The following ZNF365 variants were observed in gnomAD, a reference collection of about 807,000 sequenced individuals.
ZNF365 encodes the protein zinc finger protein 365.
ZNF365 carries 22 observed loss-of-function variants against 35.0 expected under a neutral mutation model. The ratio of observed to expected loss-of-function variants is 0.63; its 90% CI spans 0.45 to 0.90. ZNF365 has a LOEUF of 0.90. ZNF365 is among the 40% of genes least tolerant of loss of function. The probability of loss-of-function intolerance (pLI) is 0.00; values close to 1 mark genes in which losing one functional copy is unlikely to be tolerated. For synonymous variants in ZNF365, 188 were observed against 196.2 expected (o/e 0.96, Z 0.35); for missense variants, 448 against 500.3 (o/e 0.90, Z 1.00).
chr10:62,399,421 G>A (rs1839785933), intron 4 of ZNF365, 107 bp from the exon 5 acceptor site: 2 of 1,484,206 alleles, frequency 1.3e-6, no homozygotes, highest in Admixed American at 2.2e-5. Context: ...TATCACCACT[G>A]TAGCATGTAG....
At chr10:62,426,217 C>T (rs1840248708) in intron 3 of ZNF365, among the ~76,000 whole-genome samples, 1 of 152,090 alleles carries the variant, frequency 6.6e-6, no homozygotes, top group Non-Finnish European at 1.5e-5. Context: ...ATCTGGATGA[C>T]TGAAATAACT....
At position 62,400,025 on chromosome 10, in the gene ZNF365, T is replaced by C; in HGVS notation, c.*236T>C. On this transcript the variant is annotated 3_prime_UTR_variant, in exon 5 of 5. Coordinates refer to ENST00000395254, the MANE Select transcript of ZNF365 (RefSeq NM_014951.3). ...CAAATTACAGAAAGAATAAAAAAAT[T>C]AAATCAATCTTAAAGCTCTAACTTC... is the stretch of plus-strand genomic sequence containing the variant. 7.7e-7 allele frequency: 1 copy of C among 1,298,798 alleles called. No homozygotes were observed. Among genetic ancestry groups the C allele is most frequent in the Non-Finnish European group, 9.8e-7 (1 of 1,024,870 alleles). The allele number at this position is 1,298,798 out of a possible 1,614,324, so 80.5% of individuals were successfully genotyped here. A position where few individuals can be genotyped will look rare whatever the true frequency, so the allele number is the denominator to read the frequency against.
intron 3 of ZNF365, among the ~76,000 whole-genome samples, chr10:62,426,674 C>T (rs145454780): frequency 6.6e-6 from 1 of 152,190 alleles, no homozygotes; most frequent in East Asian, 1.9e-4. Flanking sequence ...GCGGGAAAGG[C>T]AAGGCTGGGC....
intron 3 of ZNF365, among the ~76,000 whole-genome samples, chr10:62,428,995 C>T (rs1010112471): frequency 4.6e-5 from 7 of 152,162 alleles, no homozygotes; most frequent in African/African-American, 1.7e-4. Flanking sequence ...GAATGAGAGG[C>T]ACGCAGTAGG....
chr10:62,479,800 C>CT (rs1014377048), intron 4 of ZNF365: 6 of 1,058,800 alleles, frequency 5.7e-6, no homozygotes, highest in Admixed American at 3.5e-5. Flanking sequence ...GAAACCACTT[C>CT]TTTTTTTGAC....
chr10:62,389,117 G>T (rs1210270362), intron 3 of ZNF365, among the ~76,000 whole-genome samples: 1 of 152,132 alleles, frequency 6.6e-6, no homozygotes, highest in Non-Finnish European at 1.5e-5. Context: ...CCTGCATACA[G>T]TTTTGCATAT....
intron 3 of ZNF365, among the ~76,000 whole-genome samples, chr10:62,425,246 G>C (rs1226415363): frequency 6.6e-6 from 1 of 152,018 alleles, no homozygotes; most frequent in Admixed American, 6.6e-5. Flanking sequence ...ACAGAGTCTA[G>C]AAGCCATTAA....
At chr10:62,380,306 C>T (rs1839415793) in intron 2 of ZNF365, among the ~76,000 whole-genome samples, 1 of 152,230 alleles carries the variant, frequency 6.6e-6, no homozygotes. Context: ...TGTTTCTCCT[C>T]CTCCTTTACA....
chr10:62,448,747 T>A (rs1840630785), intron 3 of ZNF365, among the ~76,000 whole-genome samples: 3 of 152,138 alleles, frequency 2.0e-5, no homozygotes, highest in Admixed American at 6.5e-5. Flanking sequence ...CTCACCTAGG[T>A]CCTAGCTATG....
chr10:62,410,817 G>A (rs1243496543), intron 3 of ZNF365, among the ~76,000 whole-genome samples: 1 of 151,930 alleles, frequency 6.6e-6, no homozygotes, highest in Admixed American at 6.6e-5. Context: ...ATGTCAAATG[G>A]TATTTCTGCT....
At chr10:62,415,914 C>G (rs1840066343) in intron 3 of ZNF365, among the ~76,000 whole-genome samples, 1 of 152,106 alleles carries the variant, frequency 6.6e-6, no homozygotes, top group Non-Finnish European at 1.5e-5. Flanking sequence ...AGAAAATTAG[C>G]CATTCTTGTC....
chr10:62,410,132 T>C (rs537651586), intron 3 of ZNF365, among the ~76,000 whole-genome samples: 2 of 152,292 alleles, frequency 1.3e-5, no homozygotes, highest in South Asian at 4.1e-4. Flanking sequence ...TTATTGTCTT[T>C]CCCTTCCTTT....
intron 3 of ZNF365, among the ~76,000 whole-genome samples, chr10:62,415,071 A>G (rs1423828037): frequency 8.7e-6 from 1 of 114,426 alleles, no homozygotes; most frequent in Non-Finnish European, 1.9e-5. Context: ...CTCATTTTAA[A>G]AAGTATTTTC....
chr10:62,382,915 A>G (rs1839464538), intron 2 of ZNF365, among the ~76,000 whole-genome samples: 1 of 152,170 alleles, frequency 6.6e-6, no homozygotes, highest in African/African-American at 2.4e-5. Context: ...AGTCATGTAA[A>G]GTGAAATTTA....
Position 62,394,988 on chromosome 10 carries a change from G to A in ZNF365, c.925-3752G>A, listed in dbSNP as rs146369606. 2.0e-3 allele frequency among the ~76,000 whole-genome samples: 306 copies of A among 152,252 alleles called. 2 individuals are homozygous for A. Among genetic ancestry groups the A allele is most frequent in the East Asian group, 1.4e-3 (7 of 5,178 alleles). ...ATTCCTCATTGTTCTAAAGGAGGGA[G>A]CTCAGGTATGCAAGCAAGAGGGAGA... On this transcript the variant is annotated intron_variant, in intron 3 of 4. Transcript: ENST00000395254.
At chr10:62,447,364 A>G (rs1840606972) in intron 3 of ZNF365, among the ~76,000 whole-genome samples, 1 of 152,184 alleles carries the variant, frequency 6.6e-6, no homozygotes, top group South Asian at 2.1e-4. Flanking sequence ...ATGCTAAGTG[A>G]CATAAACTGC....
In ZNF365 at chr10:62,397,501, A is replaced by G. The variant is rs147663612; in HGVS notation, c.925-1239A>G. Among the ~76,000 whole-genome samples, 35 of 152,280 alleles carry G rather than the reference A, an allele frequency of 2.3e-4. No individual in the cohort carries two copies. The East Asian group carries it at 6.8e-3, about 29-fold the overall frequency. ...ATGTGACACCACTTATTCTAGTGAA[A>G]ACTACATGAGGAAGATCAGGATCAG... is the stretch of plus-strand genomic sequence containing the variant. On this transcript the variant is annotated intron_variant, in intron 3 of 4. Transcript: ENST00000395254.
chr10:62,429,700 G>A (rs1260776996), intron 3 of ZNF365, among the ~76,000 whole-genome samples: 2 of 152,130 alleles, frequency 1.3e-5, no homozygotes, highest in African/African-American at 2.4e-5. Flanking sequence ...TAATTGAAAC[G>A]TATTATTTAA....
chr10:62,402,256 C>A lies in ZNF365; in HGVS notation c.*2467C>A. On this transcript the variant is annotated 3_prime_UTR_variant, in exon 5 of 5. Coordinates refer to ENST00000395254, the MANE Select transcript of ZNF365 (RefSeq NM_014951.3). ...GTAGGGAAGAAATCTTCCTTTGAAC[C>A]GCTTTTCTTGCTTTTTCCCTTTTTC... 1 of 985,716 alleles carries A rather than the reference C, an allele frequency of 1.0e-6. No homozygotes were observed. Among genetic ancestry groups the A allele is most frequent in the Non-Finnish European group, 1.2e-6 (1 of 829,896 alleles). The allele number at this position is 985,716 out of a possible 1,614,324, so 61.1% of individuals were successfully genotyped here. A position where few individuals can be genotyped will look rare whatever the true frequency, so the allele number is the denominator to read the frequency against.
Sources: allele counts gnomAD v4.1 joint callset (sites outside exome capture counted in the v4.1 genomes callset), GRCh38; gene constraint gnomAD v4.1.1; transcripts MANE v1.5; gene names NCBI Gene and HGNC (gene_info 2026-07-23, HGNC 2026-07-21).